The following TTN variants were observed in gnomAD, a reference collection of about 807,000 sequenced individuals.
TTN encodes the protein connectin.
In TTN, 1,525 loss-of-function variants were observed where a neutral mutation model predicts 3,223.0. The ratio of observed to expected loss-of-function variants is 0.47; its 90% CI spans 0.45 to 0.49. The LOEUF (loss-of-function observed/expected upper bound fraction) is 0.49, where lower values mean the gene tolerates loss of function less well. Among genes scored for constraint, TTN ranks in the 20% least tolerant of loss-of-function variants. The pLI is 0.00. For missense variants in TTN, 40,786 were observed against 43,424.0 expected, an observed-to-expected ratio of 0.94 and a Z score of 5.40; for synonymous variants, 14,094 against 15,161.0, an observed-to-expected ratio of 0.93 and a Z score of 5.17.
Position 178,800,396 on chromosome 2 carries a change from T to C in TTN, c.582A>G (p.Gln194=). 6.2e-7 allele frequency: 1 copy of C among 1,614,138 alleles called. No homozygotes were observed. ...TGTTCCTCAACCTCCAGCACGTACC[T>C]TGAACCAGTAATTCAGCAGTCGAAG... ...RATSTAELLV[Q]GEEEVPAKKT... The change falls in exon 4 of 363, where the codon CAA becomes CAG. Residue 194 remains glutamine (Q), a splice_region_variant and synonymous_variant. Transcript: ENST00000589042.
Position 178,538,983 on chromosome 2 carries a change from G to T in TTN, c.98952C>A (p.Ser32984Arg). 1 of 1,612,372 alleles carries T rather than the reference G, an allele frequency of 6.2e-7. No homozygotes were observed. Among genetic ancestry groups the T allele is most frequent in the Non-Finnish European group, 8.5e-7 (1 of 1,178,546 alleles). ...TGCAAACAACTGGTTCAGAAGCAGGGCTGGTCTCACTCAGGCCAACATCAT... is the reference window on the plus strand; with the variant it reads ...TGCAAACAACTGGTTCAGAAGCAGGTCTGGTCTCACTCAGGCCAACATCAT... The part of the protein sequence containing the change: ...AQNDVGLSET[S>R]PASEPVVCKD... Residue 32984 changes from serine to arginine, a missense_variant, in exon 353 of 363, where the codon AGC (serine) becomes AGA (arginine). Coordinates refer to ENST00000589042, the MANE Select transcript of TTN (RefSeq NM_001267550.2).
chr2:178,582,624 G>A, intron 313 of TTN, 32 bp from the exon 314 acceptor site: 1 of 1,567,242 alleles, frequency 6.4e-7, no homozygotes, highest in Non-Finnish European at 8.7e-7. Flanking sequence ...GTGAATATGT[G>A]GAATGGGGAA....
At position 178,560,809 on chromosome 2, in the gene TTN, C is replaced by T. The variant is rs773971849; in HGVS notation, c.85323G>A (p.Val28441=). ...TLKNVAGTRS[V]AVNCKVLDKP... ...TATCAAGTACTTTGCAATTAACGGC[C>T]ACAGACCGAGTGCCGGCAACATTCT... Residue 28441 remains valine, a synonymous_variant, in exon 326 of 363, where the codon GTG becomes GTA. Transcript: ENST00000589042. 1.2e-6 allele frequency: 2 copies of T among 1,613,694 alleles called. No individual in the cohort carries two copies. The highest frequency in any genetic ancestry group is 1.7e-6 in the Non-Finnish European group (2 of 1,179,782).
At chr2:178,689,269 G>A (rs561486930) in intron 124 of TTN, 21 bp downstream of exon 124, 1 of 1,608,602 alleles carries the variant, frequency 6.2e-7, no homozygotes, top group African/African-American at 1.3e-5. Context: ...GACAGTTCTT[G>A]GGAAGATGGA....
Position 178,695,299 on chromosome 2 carries a change from G to A in TTN, c.31270+49C>T, listed in dbSNP as rs1401302970. 4 of 1,459,300 alleles carry A rather than the reference G, an allele frequency of 2.7e-6. No homozygotes were observed. In the Admixed American group the frequency reaches 6.8e-5, roughly 25 times the overall value. 90.4% of individuals were successfully genotyped at this position (1,459,300 alleles called of 1,614,324 possible). A position where few individuals can be genotyped will look rare whatever the true frequency, so the allele number is the denominator to read the frequency against. On this transcript the variant is annotated intron_variant, in intron 115 of 362. Transcript: ENST00000589042. ...TATACATTGCTGCCAAACAAGCCAT[G>A]ATAATGATGTTGATGCTCTAGTCTA...
At chr2:178,762,213 T>C (rs4894039) in intron 43 of TTN, among the ~76,000 whole-genome samples, 148,494 of 152,296 alleles carry the variant, frequency 0.98, 72,520 homozygotes, top group East Asian at 1. Context: ...TATGAAACTA[T>C]GTGAGTTGGC....
rs372868510 is a variant in TTN at position 178,618,657 on chromosome 2, G to C, written c.46893C>G (p.Asp15631Glu). 79 of 1,612,148 alleles carry C rather than the reference G, an allele frequency of 4.9e-5. No homozygotes were observed. The highest frequency in any genetic ancestry group is 6.4e-5 in the Non-Finnish European group (75 of 1,179,020). Residue 15631 changes from aspartate (D) to glutamate (E), a missense_variant, in exon 251 of 363, where the codon GAC (aspartate) becomes GAG (glutamate). Transcript: ENST00000589042. The stretch of plus-strand genomic sequence containing the variant: ...GAAGCACAATTTTATACCTCCCTTT[G>C]TCTCCTTTCTTGGCTTCTAAAATTC... ...SFRILEAKKG[D>E]KGRYKIVLQN...
intron 319 of TTN, 82 bp from the exon 320 acceptor site, chr2:178,579,475 T>G (rs1387260278): frequency 1.3e-6 from 2 of 1,569,798 alleles, no homozygotes; most frequent in Non-Finnish European, 1.7e-6. Flanking sequence ...TTTTAACGGA[T>G]TTTTAGATAA....
chr2:178,743,215 T>C (rs1394936407), intron 47 of TTN, among the ~76,000 whole-genome samples: 2 of 152,038 alleles, frequency 1.3e-5, no homozygotes, highest in African/African-American at 4.8e-5. Context: ...AAAAGGATAG[T>C]AAATGAAATT....
intron 260 of TTN, 24 bp downstream of exon 260, chr2:178,614,823 A>G: frequency 6.3e-7 from 1 of 1,581,566 alleles, no homozygotes; most frequent in Non-Finnish European, 8.6e-7. Flanking sequence ...CCTATTTGAT[A>G]AGACAAAAAT....
intron 207 of TTN, 41 bp downstream of exon 207, chr2:178,651,412 G>C: frequency 6.2e-7 from 1 of 1,600,672 alleles, no homozygotes. Flanking sequence ...GAAGCTGGGG[G>C]CTCCATCCGC....
At position 178,723,952 on chromosome 2, in the gene TTN, A is replaced by C; in HGVS notation, c.21307T>G (p.Leu7103Val). The C allele has an allele frequency of 6.2e-7, 1 of 1,613,624 alleles. No individual in the cohort carries two copies. Among genetic ancestry groups the C allele is most frequent in the Non-Finnish European group, 8.5e-7 (1 of 1,179,622 alleles). Reference sequence around the variant, plus strand: ...ATATCTGAGGAATCCAGAGAATTCAACTGCAATGTGCAGACATTATCTGAA... The same window carrying C: ...ATATCTGAGGAATCCAGAGAATTCACCTGCAATGTGCAGACATTATCTGAA... ...TFSDNVCTLQ[L>V]NSLDSSDMGN... The change falls in exon 73 of 363, where the codon TTG (leucine) becomes GTG (valine). Residue 7103 changes from leucine (L) to valine (V), a missense_variant. By Grantham distance (32) the Leu-to-Val change is conservative. Transcript: ENST00000589042.
rs770025985 is a variant in TTN, at chr2:178,794,445, T to C, written c.1352A>G (p.Gln451Arg). The C allele has an allele frequency of 2.5e-6, 4 of 1,614,212 alleles. No individual in the cohort carries two copies. Among genetic ancestry groups the C allele is most frequent in the Non-Finnish European group, 3.4e-6 (4 of 1,180,018 alleles). Residue 451 changes from glutamine to arginine, a missense_variant, in exon 8 of 363, where the codon CAG becomes CGG. Physicochemically the swap from Gln to Arg is conservative, Grantham distance 43. Transcript: ENST00000589042. The part of the protein sequence containing the change: ...PVISAVEQTA[Q>R]RTTTTAVHIQ... ...GTGCACAGCAGTCGTGGTTGTCCTC[T>C]GAGCAGTCTGCTCTACAGCGCTGAT... is the stretch of plus-strand genomic sequence containing the variant.
intron 57 of TTN, 23 bp downstream of exon 57, chr2:178,732,043 C>T (rs202241493): frequency 7.9e-5 from 126 of 1,589,986 alleles, no homozygotes; most frequent in Non-Finnish European, 9.9e-5. Flanking sequence ...TTTGGCAACA[C>T]AAGAGGCAAA....
Position 178,740,678 on chromosome 2 carries a change from G to T in TTN, c.12555C>A (p.Phe4185Leu), listed in dbSNP as rs1445619410. The T allele has an allele frequency of 6.2e-7, 1 of 1,613,718 alleles. No homozygotes were observed. The highest frequency in any genetic ancestry group is 1.3e-5 in the African/African-American group (1 of 74,906). The change falls in exon 48 of 363, where the codon TTC becomes TTA. Residue 4185 changes from phenylalanine (F) to leucine (L), a missense_variant. Phe to Leu is a conservative substitution (Grantham distance 22, BLOSUM62 0). Transcript: ENST00000589042. ...TTTGTTCTATGGACATGGCACTTGG[G>T]AAGATTTTCTCGGTATCTGATAGAA... ...QAVLSDTEKIFPSAMSIEQIN... is the reference protein window; with the variant it reads ...QAVLSDTEKILPSAMSIEQIN...
intron 40 of TTN, 40 bp from the exon 41 acceptor site, chr2:178,766,652 A>G: frequency 6.5e-7 from 1 of 1,534,708 alleles, no homozygotes; most frequent in Non-Finnish European, 9.0e-7. Context: ...AACAACAACA[A>G]AAACTTGAAG....
chr2:178,586,877 A>C (rs963123362), intron 307 of TTN, 70 bp from the exon 308 acceptor site: 1 of 1,562,508 alleles, frequency 6.4e-7, no homozygotes, highest in Non-Finnish European at 8.7e-7. Context: ...AATGTACATA[A>C]GAGTTTTAGT....
rs1340243395 is a variant in TTN, at chr2:178,654,034, T to C, written c.38442A>G (p.Lys12814=). The C allele has an allele frequency of 5.1e-6, 8 of 1,580,518 alleles. No individual in the cohort carries two copies. The highest frequency in any genetic ancestry group is 6.8e-6 in the Non-Finnish European group (8 of 1,172,272). ...TACCTGTAACTGCGGGGGCTTCTGG[T>C]TTTTTGATTGGTGCCTTGGGAATTT... ...EKKIPKAPIK[K]PEAPAVTVPE... The change falls in exon 194 of 363, where the codon AAA becomes AAG. Residue 12814 remains lysine (K), a synonymous_variant. Transcript: ENST00000589042.
intron 231 of TTN, 52 bp from the exon 232 acceptor site, chr2:178,633,728 T>C: frequency 6.2e-7 from 1 of 1,607,134 alleles, no homozygotes; most frequent in East Asian, 2.2e-5. Context: ...TTAAAGTTTA[T>C]TAAAGAGTAA....
Sources: allele counts gnomAD v4.1 joint callset (sites outside exome capture counted in the v4.1 genomes callset), GRCh38; gene constraint gnomAD v4.1.1; transcripts MANE v1.5; gene names NCBI Gene and HGNC (gene_info 2026-07-23, HGNC 2026-07-21).